SGCD: variants seen among roughly 807,000 people sequenced by gnomAD.
The protein encoded by SGCD is sarcoglycan delta.
SGCD carries 18 observed loss-of-function variants against 36.6 expected under a neutral mutation model. The observed-to-expected ratio is 0.49, with a 90% CI of 0.34 to 0.73. The LOEUF is 0.73. Among genes scored for constraint, SGCD ranks in the 30% least tolerant of loss-of-function variants. SGCD has a pLI of 0.01. For missense variants in SGCD, 387 were observed against 346.7 expected (o/e 1.12, Z -0.92); for synonymous variants, 133 against 130.6 (o/e 1.02, Z -0.12).
intron 1 of SGCD, among the ~76,000 whole-genome samples, chr5:156,109,013 GATAAGCCCT>G (rs958816884): frequency 1.4e-4 from 22 of 152,160 alleles, no homozygotes; most frequent in Non-Finnish European, 2.2e-4. Context: ...TCTCAAGAAA[GATAAGCCCT>G]ATTTTAGAGC....
chr5:156,268,159 A>C (rs1766051328), intron 3 of SGCD, among the ~76,000 whole-genome samples: 1 of 152,220 alleles, frequency 6.6e-6, no homozygotes, highest in Non-Finnish European at 1.5e-5. Context: ...CTGCAAAAAC[A>C]TGATCCCATT....
At chr5:156,308,387 C>A (rs1767293484) in intron 3 of SGCD, among the ~76,000 whole-genome samples, 1 of 151,800 alleles carries the variant, frequency 6.6e-6, no homozygotes, top group Admixed American at 6.6e-5. Flanking sequence ...AAAGCTCCGC[C>A]TCCCGGGTTC....
At chr5:155,883,793 CA>C (rs34250962) in intron 1 of SGCD, among the ~76,000 whole-genome samples, 18,299 of 83,318 alleles carry the variant, frequency 0.22, 663 homozygotes, top group Admixed American at 0.39. Context: ...CTTCAATTTG[CA>C]AAAAAAAAAA....
chr5:156,386,032 A>T (rs763811445), intron 3 of SGCD, among the ~76,000 whole-genome samples: 1 of 152,238 alleles, frequency 6.6e-6, no homozygotes, highest in Non-Finnish European at 1.5e-5. Context: ...CCTATCAGGT[A>T]ATGATGACTA....
intron 4 of SGCD, among the ~76,000 whole-genome samples, chr5:156,568,492 G>T (rs1759587554): frequency 6.6e-6 from 1 of 152,208 alleles, no homozygotes. Context: ...CGGCCATAAA[G>T]TCTGGAAATG....
chr5:155,962,452 C>T (rs1027552627), intron 1 of SGCD, among the ~76,000 whole-genome samples: 4 of 152,060 alleles, frequency 2.6e-5, no homozygotes, highest in South Asian at 4.1e-4. Context: ...GCATTGCCCT[C>T]GATTGGATAC....
At chr5:156,047,857 T>C (rs1164741144) in intron 1 of SGCD, among the ~76,000 whole-genome samples, 2 of 152,162 alleles carry the variant, frequency 1.3e-5, no homozygotes, top group African/African-American at 4.8e-5. Flanking sequence ...AGTTTTAGGG[T>C]ACATGTGCAC....
intron 1 of SGCD, among the ~76,000 whole-genome samples, chr5:156,063,289 C>G (rs1581072003): frequency 7.1e-5 from 1 of 14,132 alleles, no homozygotes. Context: ...TTCCATTGAT[C>G]TATATCTCTG....
At chr5:156,497,155 T>G (rs1756229883) in intron 3 of SGCD, among the ~76,000 whole-genome samples, 2 of 148,736 alleles carry the variant, frequency 1.3e-5, no homozygotes, top group African/African-American at 5.0e-5. Flanking sequence ...CTCGTTTTCT[T>G]TCTCACTCTC....
intron 4 of SGCD, among the ~76,000 whole-genome samples, chr5:156,567,680 A>C (rs555731881): frequency 6.6e-6 from 1 of 152,316 alleles, no homozygotes; most frequent in East Asian, 1.9e-4. Flanking sequence ...AATCTCACCC[A>C]AAAATATGCT....
chr5:156,068,582 T>G (rs2127586350), intron 1 of SGCD, among the ~76,000 whole-genome samples: 1 of 151,962 alleles, frequency 6.6e-6, no homozygotes, highest in East Asian at 1.9e-4. Flanking sequence ...GCAGTATACA[T>G]ATGTGTGCAT....
At chr5:156,021,228 T>C (rs908415383) in intron 1 of SGCD, among the ~76,000 whole-genome samples, 3 of 152,136 alleles carry the variant, frequency 2.0e-5, no homozygotes, top group African/African-American at 7.2e-5. Flanking sequence ...GTAGGGGCTT[T>C]TCATAATTTT....
chr5:156,573,788 G>A (rs1248790871), intron 4 of SGCD, among the ~76,000 whole-genome samples: 1 of 152,046 alleles, frequency 6.6e-6, no homozygotes, highest in Non-Finnish European at 1.5e-5. Context: ...CAAACTCCTG[G>A]ACTCAAGTGA....
In SGCD at chr5:156,444,065, TCTC is replaced by T. The variant is rs1254134678; in HGVS notation, c.193-64535_193-64533del. ...ACGCTTTGGAGACTCTTTCTCTCCT[TCTC>T]TCTCTCTCTCTCTCTCTCTCTCTCT... On this transcript the variant is annotated intron_variant, in intron 3 of 8. Coordinates refer to ENST00000337851, the MANE Select transcript of SGCD (RefSeq NM_000337.6). Among the ~76,000 whole-genome samples the T allele has an allele frequency of 1.2e-3, 15 of 12,382 alleles. 1 individual carries two copies. Among genetic ancestry groups the T allele is most frequent in the Non-Finnish European group, 2.6e-3 (15 of 5,810 alleles). The allele number at this position is 12,382 out of a possible 152,430, so 8.1% of individuals were successfully genotyped here.
At chr5:155,883,490 G>A (rs1440465736) in intron 1 of SGCD, among the ~76,000 whole-genome samples, 8 of 152,094 alleles carry the variant, frequency 5.3e-5, no homozygotes, top group Non-Finnish European at 2.9e-5. Flanking sequence ...AATTTCAGTA[G>A]TATTATGTCT....
At chr5:155,909,576 C>G (rs1756589724) in intron 1 of SGCD, among the ~76,000 whole-genome samples, 2 of 152,164 alleles carry the variant, frequency 1.3e-5, no homozygotes, top group Admixed American at 1.3e-4. Flanking sequence ...TTACAAGAAC[C>G]AAAGCAGAGA....
intron 4 of SGCD, among the ~76,000 whole-genome samples, chr5:156,522,425 C>A (rs1234191873): frequency 6.6e-6 from 1 of 152,058 alleles, no homozygotes; most frequent in Non-Finnish European, 1.5e-5. Context: ...TGAAATCATG[C>A]CCTTTTCAGG....
intron 1 of SGCD, among the ~76,000 whole-genome samples, chr5:155,969,908 A>G (rs1303429450): frequency 6.6e-6 from 1 of 152,032 alleles, no homozygotes; most frequent in Non-Finnish European, 1.5e-5. Context: ...GCAGAATTGG[A>G]TAATTTCTAA....
intron 3 of SGCD, among the ~76,000 whole-genome samples, chr5:156,354,648 A>G (rs1769415469): frequency 6.6e-6 from 1 of 152,254 alleles, no homozygotes; most frequent in Non-Finnish European, 1.5e-5. Flanking sequence ...TATATCACAC[A>G]TAGCCATTCA....
Sources: allele counts gnomAD v4.1 joint callset (sites outside exome capture counted in the v4.1 genomes callset), GRCh38; gene constraint gnomAD v4.1.1; transcripts MANE v1.5; gene names NCBI Gene and HGNC (gene_info 2026-07-23, HGNC 2026-07-21).